The following CEP112 variants were observed in gnomAD, a reference collection of about 807,000 sequenced individuals.
CEP112 encodes centrosomal protein 112.
A neutral mutation model predicts 153.0 loss-of-function variants in CEP112; 127 were observed. That is an observed-to-expected ratio of 0.83 (90% CI 0.72 to 0.96). The LOEUF (loss-of-function observed/expected upper bound fraction) is 0.96, where lower values mean the gene tolerates loss of function less well. Ranked by LOEUF, CEP112 falls within the 40% of genes least tolerant of loss-of-function variation. The probability of loss-of-function intolerance (pLI) is 0.00; values close to 1 mark genes in which losing one functional copy is unlikely to be tolerated. For missense variants in CEP112, 1,089 were observed against 1,101.2 expected, an observed-to-expected ratio of 0.99 and a Z score of 0.16; for synonymous variants, 358 against 374.4, an observed-to-expected ratio of 0.96 and a Z score of 0.51.
At chr17:66,023,204 G>A (rs2065069828) in intron 16 of CEP112, among the ~76,000 whole-genome samples, 1 of 152,024 alleles carries the variant, frequency 6.6e-6, no homozygotes, top group Non-Finnish European at 1.5e-5. Context: ...CCACATACAA[G>A]AAGTGCAACA....
intron 23 of CEP112, among the ~76,000 whole-genome samples, chr17:65,715,943 C>T (rs559728298): frequency 6.6e-6 from 1 of 152,090 alleles, no homozygotes; most frequent in East Asian, 1.9e-4. Context: ...GTTACTGTTG[C>T]TAATACTAAA....
At chr17:66,093,072 G>A (rs760357911) in intron 8 of CEP112, among the ~76,000 whole-genome samples, 5 of 152,144 alleles carry the variant, frequency 3.3e-5, no homozygotes, top group Non-Finnish European at 5.9e-5. Flanking sequence ...GCTCATGCCT[G>A]TAATCAATCC....
intron 20 of CEP112, among the ~76,000 whole-genome samples, chr17:65,866,297 A>G (rs2058484076): frequency 2.6e-5 from 4 of 152,216 alleles, no homozygotes; most frequent in Admixed American, 2.6e-4. Flanking sequence ...TCACGGACAC[A>G]GCAGCCCCCT....
intron 17 of CEP112, among the ~76,000 whole-genome samples, chr17:65,999,403 G>A (rs1328649248): frequency 6.6e-6 from 1 of 151,920 alleles, no homozygotes; most frequent in Non-Finnish European, 1.5e-5. Context: ...GGGTTTCACC[G>A]TGTTAGCCAG....
intron 20 of CEP112, among the ~76,000 whole-genome samples, chr17:65,867,624 T>A (rs1290333637): frequency 1.3e-5 from 2 of 152,062 alleles, no homozygotes; most frequent in East Asian, 3.8e-4. Context: ...GAAAAAAAAA[T>A]TCTTGTTTTT....
In CEP112 at chr17:66,183,222, G is replaced by C; in HGVS notation, c.78C>G (p.Pro26=). Residue 26 remains proline, a synonymous_variant, in exon 2 of 27, where the codon CCC becomes CCG. Coordinates refer to ENST00000535342, the MANE Select transcript of CEP112 (RefSeq NM_001199165.4). ...TCCTATGAGGTAATTTTAGAACAAA[G>C]GGCTTCATATCAACCACAAAGTGAT... ...EFDHFVVDMK[P]FVLKLPHRTE... The C allele has an allele frequency of 6.2e-7, 1 of 1,607,600 alleles. No homozygotes were observed. The highest frequency in any genetic ancestry group is 1.1e-5 in the South Asian group (1 of 89,420).
intron 6 of CEP112, among the ~76,000 whole-genome samples, chr17:66,127,823 C>T (rs1450083980): frequency 2.6e-5 from 4 of 152,138 alleles, no homozygotes; most frequent in South Asian, 4.1e-4. Flanking sequence ...AAAATGGATC[C>T]GCCCTCATCT....
At chr17:66,152,082 T>A (rs2071234526) in intron 4 of CEP112, among the ~76,000 whole-genome samples, 1 of 152,136 alleles carries the variant, frequency 6.6e-6, no homozygotes, top group Admixed American at 6.5e-5. Context: ...ACTGCAGATA[T>A]CTGTATTATA....
chr17:66,000,349 T>C (rs1232665557), intron 17 of CEP112, among the ~76,000 whole-genome samples: 1 of 151,858 alleles, frequency 6.6e-6, no homozygotes, highest in Non-Finnish European at 1.5e-5. Flanking sequence ...TTTTGCTTTT[T>C]TTTTTAAACT....
At chr17:65,896,270 C>A (rs1186421217) in intron 20 of CEP112, among the ~76,000 whole-genome samples, 3 of 151,980 alleles carry the variant, frequency 2.0e-5, no homozygotes, top group African/African-American at 7.2e-5. Context: ...TTTCTTGCCT[C>A]ATCTTGTATT....
At chr17:66,042,751 C>A (rs2066039343) in intron 12 of CEP112, among the ~76,000 whole-genome samples, 2 of 152,010 alleles carry the variant, frequency 1.3e-5, no homozygotes, top group Admixed American at 1.3e-4. Context: ...ACCAAGATAA[C>A]CTAAGATGTG....
chr17:66,112,162 G>C (rs1054847977), intron 6 of CEP112, among the ~76,000 whole-genome samples: 1 of 151,674 alleles, frequency 6.6e-6, no homozygotes, highest in Non-Finnish European at 1.5e-5. Flanking sequence ...ATGGTGGCAG[G>C]CACCTGTAGT....
intron 6 of CEP112, among the ~76,000 whole-genome samples, chr17:66,125,918 C>T (rs574095415): frequency 6.6e-6 from 1 of 152,172 alleles, no homozygotes; most frequent in South Asian, 2.1e-4. Context: ...TATGTATGGC[C>T]ATTTTTCTTT....
In CEP112 at chr17:66,034,104, C is replaced by T. The variant is rs149848314; in HGVS notation, c.1219-4081G>A. On this transcript the variant is annotated intron_variant, in intron 12 of 26. Transcript: ENST00000535342. ...TACACAGAGGTCCTGGAACCAATCC[C>T]CTGCATATACCAAGGCACTACTGTA... 8.5e-5 allele frequency among the ~76,000 whole-genome samples: 13 copies of T among 152,188 alleles called. No homozygotes were observed. In the East Asian group the frequency reaches 2.5e-3, roughly 29 times the overall value.
At chr17:65,736,722 C>T in intron 23 of CEP112, among the ~76,000 whole-genome samples, 1 of 152,144 alleles carries the variant, frequency 6.6e-6, no homozygotes, top group East Asian at 1.9e-4. Context: ...CACAGATGTT[C>T]ACGGTCTTCT....
intron 8 of CEP112, among the ~76,000 whole-genome samples, chr17:66,075,851 G>A (rs1331354237): frequency 6.6e-6 from 1 of 152,164 alleles, no homozygotes; most frequent in Non-Finnish European, 1.5e-5. Context: ...TGCTCCTGCA[G>A]GACGCGGGAG....
intron 6 of CEP112, among the ~76,000 whole-genome samples, chr17:66,112,149 G>A (rs550341909): frequency 1.3e-5 from 2 of 152,130 alleles, no homozygotes; most frequent in East Asian, 3.9e-4. Context: ...AAATTAGCCA[G>A]GCATGGTGGC....
chr17:65,945,238 AG>A (rs202040379), intron 18 of CEP112, among the ~76,000 whole-genome samples: 4,741 of 152,356 alleles, frequency 0.031, 104 homozygotes, highest in Non-Finnish European at 0.043. Flanking sequence ...ATTGCTGTAT[AG>A]TACTCCGTTG....
chr17:65,810,403 A>G (rs757171659), intron 21 of CEP112, among the ~76,000 whole-genome samples: 3 of 152,098 alleles, frequency 2.0e-5, no homozygotes, highest in Non-Finnish European at 4.4e-5. Flanking sequence ...GCCAAAGTAC[A>G]AAGAATTGGG....
Sources: allele counts gnomAD v4.1 joint callset (sites outside exome capture counted in the v4.1 genomes callset), GRCh38; gene constraint gnomAD v4.1.1; transcripts MANE v1.5; gene names NCBI Gene and HGNC (gene_info 2026-07-23, HGNC 2026-07-21).